Variants in DOK6 observed in about 807,000 individuals in gnomAD.
The protein encoded by DOK6 is docking protein 6, also known as downstream of tyrosine kinase 6.
In DOK6, 22 loss-of-function variants were observed where a neutral mutation model predicts 44.0. The ratio of observed to expected loss-of-function variants is 0.50; its 90% confidence interval spans 0.36 to 0.71. The LOEUF is 0.71. DOK6 is among the 30% of genes least tolerant of loss of function. DOK6 has a pLI of 0.00. For missense variants in DOK6, 340 were observed against 416.4 expected, an observed-to-expected ratio of 0.82 and a Z score of 1.60; for synonymous variants, 166 against 145.5, an observed-to-expected ratio of 1.14 and a Z score of -1.01.
Position 69,680,779 on chromosome 18 carries a change from C to T in DOK6, c.409+2926C>T, listed in dbSNP as rs779439024. Among the ~76,000 whole-genome samples, 7 of 152,202 alleles carry T rather than the reference C, an allele frequency of 4.6e-5. No homozygotes were observed. In the South Asian group the frequency reaches 8.3e-4, roughly 18 times the overall value. On this transcript the variant is annotated intron_variant, in intron 4 of 7. Transcript: ENST00000382713. ...ATGGTAAAGACTAAGATATCTCATC[C>T]GTCAACTTGGACCCTCCCACCCAGT...
chr18:69,747,464 G>T (rs1011115226), intron 6 of DOK6, among the ~76,000 whole-genome samples: 3 of 152,138 alleles, frequency 2.0e-5, no homozygotes, highest in African/African-American at 7.2e-5. Context: ...AAGAGGTGTG[G>T]GTTGCCAATA....
intron 7 of DOK6, among the ~76,000 whole-genome samples, chr18:69,835,489 A>ACT (rs1179351006): frequency 1.4e-5 from 1 of 71,030 alleles, no homozygotes; most frequent in South Asian, 5.4e-4. Flanking sequence ...AACAACAAAA[A>ACT]AAAAAACAGC....
intron 1 of DOK6, among the ~76,000 whole-genome samples, chr18:69,467,907 T>C (rs1318748155): frequency 6.6e-6 from 1 of 152,120 alleles, no homozygotes; most frequent in Admixed American, 6.5e-5. Flanking sequence ...CTTGAAGGGG[T>C]TATGATAGCC....
chr18:69,822,007 AC>A (rs1300825541), intron 7 of DOK6, among the ~76,000 whole-genome samples: 2 of 152,154 alleles, frequency 1.3e-5, no homozygotes, highest in African/African-American at 4.8e-5. Context: ...AGTGAAAAAA[AC>A]ATTGTCTGTA....
At chr18:69,748,512 A>G (rs572670559) in intron 6 of DOK6, among the ~76,000 whole-genome samples, 1 of 152,204 alleles carries the variant, frequency 6.6e-6, no homozygotes, top group Non-Finnish European at 1.5e-5. Flanking sequence ...AACTGAAATC[A>G]TAACAGTCTC....
rs1978820012 is a variant in DOK6, at chr18:69,742,060, T to C, written c.738+2957T>C. Among the ~76,000 whole-genome samples the C allele has an allele frequency of 3.3e-5, 5 of 152,202 alleles. No individual in the cohort carries two copies. The South Asian group carries it at 1.0e-3, about 32-fold the overall frequency. On this transcript the variant is annotated intron_variant, in intron 6 of 7. Transcript: ENST00000382713. Reference sequence around the variant, plus strand: ...CACATGAATAAACATATTTGACATATATCCATAGTCTGAATTAGGACATTT... The same window carrying C: ...CACATGAATAAACATATTTGACATACATCCATAGTCTGAATTAGGACATTT...
chr18:69,608,300 T>G (rs543206905), intron 3 of DOK6, among the ~76,000 whole-genome samples: 2 of 152,376 alleles, frequency 1.3e-5, no homozygotes, highest in South Asian at 4.1e-4. Context: ...GGCACCCCTG[T>G]TAAAGATGAG....
At chr18:69,499,689 C>T (rs184092061) in intron 1 of DOK6, among the ~76,000 whole-genome samples, 52 of 152,252 alleles carry the variant, frequency 3.4e-4, no homozygotes, top group African/African-American at 1.1e-3. Context: ...TTCTTTGGTC[C>T]TAGCCTACTA....
At chr18:69,619,231 A>T (rs901567385) in intron 3 of DOK6, among the ~76,000 whole-genome samples, 2 of 152,224 alleles carry the variant, frequency 1.3e-5, no homozygotes, top group African/African-American at 4.8e-5. Context: ...GTGGACCAGG[A>T]GACAGTGCCT....
chr18:69,556,603 T>C (rs1982693609), intron 1 of DOK6, among the ~76,000 whole-genome samples: 3 of 152,214 alleles, frequency 2.0e-5, no homozygotes, highest in Admixed American at 2.0e-4. Context: ...TTGGTTTTTG[T>C]TGTTATTATT....
intron 5 of DOK6, among the ~76,000 whole-genome samples, chr18:69,700,216 C>CATATATATATATATATATAT (rs61078235): frequency 0.043 from 5,368 of 124,106 alleles, 309 homozygotes; most frequent in East Asian, 0.13. Flanking sequence ...CATATATATA[C>CATATATATATATATATATAT]ATATATATAT....
At chr18:69,621,113 C>A (rs1984429450) in intron 3 of DOK6, among the ~76,000 whole-genome samples, 1 of 152,050 alleles carries the variant, frequency 6.6e-6, no homozygotes, top group Non-Finnish European at 1.5e-5. Context: ...TTTTCTGGAA[C>A]ACTGTTTCAT....
chr18:69,617,515 AAAAGAAAGAAAGG>A (rs1379909050), intron 3 of DOK6, among the ~76,000 whole-genome samples: 5 of 24,326 alleles, frequency 2.1e-4, no homozygotes, highest in Admixed American at 4.6e-4. Flanking sequence ...AGAAAGAAAG[AAAAGAAAGAAAGG>A]AAAGAAAGAA....
At chr18:69,746,862 C>G (rs911590893) in intron 6 of DOK6, among the ~76,000 whole-genome samples, 1 of 152,134 alleles carries the variant, frequency 6.6e-6, no homozygotes, top group Non-Finnish European at 1.5e-5. Context: ...AACAGGCACT[C>G]GCATTCCTGC....
At chr18:69,550,345 G>A (rs561963722) in intron 1 of DOK6, among the ~76,000 whole-genome samples, 21 of 151,630 alleles carry the variant, frequency 1.4e-4, no homozygotes, top group Non-Finnish European at 2.7e-4. Flanking sequence ...AACAACTCTG[G>A]ATAAGATAAA....
chr18:69,432,774 G>T (rs188832441), intron 1 of DOK6, among the ~76,000 whole-genome samples: 2 of 152,008 alleles, frequency 1.3e-5, no homozygotes, highest in Admixed American at 6.5e-5. Flanking sequence ...ATTAATGAAA[G>T]AAAATACAAT....
intron 1 of DOK6, among the ~76,000 whole-genome samples, chr18:69,502,173 C>T (rs1981066343): frequency 6.6e-6 from 1 of 152,088 alleles, no homozygotes; most frequent in Non-Finnish European, 1.5e-5. Flanking sequence ...AATTGGCTAA[C>T]TTCTTGAAAA....
At chr18:69,542,110 A>T (rs1050365973) in intron 1 of DOK6, among the ~76,000 whole-genome samples, 7 of 151,442 alleles carry the variant, frequency 4.6e-5, no homozygotes, top group African/African-American at 1.5e-4. Context: ...AGACAACTGG[A>T]TGCTCTCAAA....
At chr18:69,654,537 C>G (rs765990320) in intron 3 of DOK6, among the ~76,000 whole-genome samples, 1 of 152,150 alleles carries the variant, frequency 6.6e-6, no homozygotes, top group Non-Finnish European at 1.5e-5. Flanking sequence ...TTCACTCACC[C>G]TCAGAAAGTA....
Sources: gnomAD v4.1 joint callset for allele counts (sites outside exome capture counted in the v4.1 genomes callset) on GRCh38, gnomAD v4.1.1 for gene constraint, MANE v1.5 for transcripts, NCBI Gene and HGNC (gene_info 2026-07-23, HGNC 2026-07-21) for gene names.